Variants in KHDRBS2 observed in about 807,000 individuals in gnomAD.
KHDRBS2 encodes the protein KH RNA binding domain containing, signal transduction associated 2, also known as KH domain-containing, RNA-binding, signal transduction-associated protein 2.
A neutral mutation model predicts 44.3 loss-of-function variants in KHDRBS2; 26 were observed. That is an observed-to-expected ratio of 0.59 (90% CI 0.43 to 0.81). The LOEUF (loss-of-function observed/expected upper bound fraction) is 0.81. Ranked by LOEUF, KHDRBS2 falls within the 40% of genes least tolerant of loss-of-function variation. The pLI is 0.00. For missense variants in KHDRBS2, 476 were observed against 433.1 expected (o/e 1.10, Z -0.88); for synonymous variants, 194 against 151.1 (o/e 1.28, Z -2.08).
intron 2 of KHDRBS2, among the ~76,000 whole-genome samples, chr6:62,103,798 A>G (rs1245207166): frequency 1.3e-5 from 2 of 152,214 alleles, no homozygotes; most frequent in East Asian, 3.9e-4. Context: ...CTCATCAGAA[A>G]CAATGAAACA....
intron 1 of KHDRBS2, among the ~76,000 whole-genome samples, chr6:62,210,660 A>G (rs1828893449): frequency 6.6e-6 from 1 of 152,160 alleles, no homozygotes; most frequent in African/African-American, 2.4e-5. Context: ...CCTTTTCTAT[A>G]AATATCTTAT....
the KHDRBS2 span, among the ~76,000 whole-genome samples, chr6:61,603,478 C>T: frequency 3.9e-5 from 6 of 152,198 alleles, no homozygotes; most frequent in Non-Finnish European, 5.9e-5. Context: ...GCTTCACAGA[C>T]AGACCCCATT....
intron 4 of KHDRBS2, among the ~76,000 whole-genome samples, chr6:61,966,476 G>T: frequency 6.6e-6 from 1 of 151,910 alleles, no homozygotes; most frequent in East Asian, 1.9e-4. Flanking sequence ...GACCTCTGTT[G>T]TCCAGGGGAC....
intron 3 of KHDRBS2, among the ~76,000 whole-genome samples, chr6:61,992,272 C>T (rs939983687): frequency 6.6e-6 from 1 of 152,158 alleles, no homozygotes; most frequent in Non-Finnish European, 1.5e-5. Context: ...GTTTAGCTTA[C>T]TTGTTCCATC....
chr6:62,108,122 C>T (rs575308576), intron 2 of KHDRBS2, among the ~76,000 whole-genome samples: 80 of 152,180 alleles, frequency 5.3e-4, no homozygotes, highest in African/African-American at 1.9e-3. Context: ...AGAGCTTCTG[C>T]ACAGCAAAAG....
chr6:61,994,285 T>G (rs989970696), intron 3 of KHDRBS2, among the ~76,000 whole-genome samples: 3 of 152,190 alleles, frequency 2.0e-5, no homozygotes, highest in African/African-American at 7.2e-5. Context: ...TTGACCAGAA[T>G]AGGCATTGGG....
chr6:62,075,768 A>C (rs1267432641), intron 2 of KHDRBS2, among the ~76,000 whole-genome samples: 1 of 151,706 alleles, frequency 6.6e-6, no homozygotes, highest in Admixed American at 6.6e-5. Context: ...GAAAATCTTA[A>C]TTAAGGTAAC....
At chr6:61,856,463 T>C (rs1387834614) in intron 6 of KHDRBS2, among the ~76,000 whole-genome samples, 1 of 152,120 alleles carries the variant, frequency 6.6e-6, no homozygotes, top group Admixed American at 6.6e-5. Context: ...TCATAAACTG[T>C]TTAAATGTCT....
intron 1 of KHDRBS2, among the ~76,000 whole-genome samples, chr6:62,219,477 T>C (rs1159445857): frequency 6.6e-6 from 1 of 151,674 alleles, no homozygotes; most frequent in African/African-American, 2.4e-5. Flanking sequence ...CAAATTCTCA[T>C]GTGTGATTAT....
intron 6 of KHDRBS2, among the ~76,000 whole-genome samples, chr6:61,796,194 CATTATT>C (rs1305834719): frequency 1.3e-5 from 2 of 151,996 alleles, no homozygotes; most frequent in Admixed American, 1.3e-4. Flanking sequence ...GATTTGGCTT[CATTATT>C]ATTTTTATGT....
intron 3 of KHDRBS2, among the ~76,000 whole-genome samples, chr6:62,042,187 C>T (rs1265842964): frequency 1.3e-5 from 2 of 152,068 alleles, no homozygotes. Flanking sequence ...GTTACTCCTA[C>T]TCTAAAATTC....
At chr6:61,845,423 C>T (rs1337801474) in intron 6 of KHDRBS2, among the ~76,000 whole-genome samples, 2 of 151,538 alleles carry the variant, frequency 1.3e-5, no homozygotes, top group South Asian at 2.1e-4. Flanking sequence ...GATTCTCCTG[C>T]CTCAGCCTCC....
intron 1 of KHDRBS2, among the ~76,000 whole-genome samples, chr6:62,237,318 C>A (rs1281147725): frequency 6.6e-6 from 1 of 152,128 alleles, no homozygotes; most frequent in East Asian, 1.9e-4. Context: ...TATAAGTATG[C>A]TGTAAGTGGT....
intron 1 of KHDRBS2, among the ~76,000 whole-genome samples, chr6:62,179,240 A>G (rs1178768429): frequency 6.6e-6 from 1 of 151,708 alleles, no homozygotes; most frequent in East Asian, 1.9e-4. Context: ...GTCATTTATA[A>G]TCATCTTATC....
intron 2 of KHDRBS2, among the ~76,000 whole-genome samples, chr6:62,100,120 C>A (rs1175329561): frequency 6.6e-6 from 1 of 152,086 alleles, no homozygotes; most frequent in Non-Finnish European, 1.5e-5. Flanking sequence ...AGAGTTGATT[C>A]TAACCATCAT....
chr6:61,868,175 G>A (rs1798060463), intron 6 of KHDRBS2, among the ~76,000 whole-genome samples: 1 of 152,080 alleles, frequency 6.6e-6, no homozygotes, highest in Non-Finnish European at 1.5e-5. Flanking sequence ...ACCCAGGGAG[G>A]AAGAATGGAA....
intron 6 of KHDRBS2, among the ~76,000 whole-genome samples, chr6:61,848,538 TATGTATATATATAC>T (rs1794899299): frequency 3.6e-5 from 2 of 55,454 alleles, no homozygotes; most frequent in African/African-American, 1.1e-4. Context: ...TATACATATA[TATGTATATATATAC>T]ATATATATAT....
At chr6:62,051,169 T>C (rs1198224763) in intron 2 of KHDRBS2, among the ~76,000 whole-genome samples, 1 of 152,082 alleles carries the variant, frequency 6.6e-6, no homozygotes, top group East Asian at 1.9e-4. Flanking sequence ...AGAAATGCTC[T>C]ATATTTGTTG....
At chr6:61,743,637 T>G (rs1349098910) in intron 6 of KHDRBS2, among the ~76,000 whole-genome samples, 1 of 152,070 alleles carries the variant, frequency 6.6e-6, no homozygotes, top group Non-Finnish European at 1.5e-5. Flanking sequence ...TTTTTAATTT[T>G]ATTATTATTA....
Sources: gnomAD v4.1 joint callset for allele counts (sites outside exome capture counted in the v4.1 genomes callset) on GRCh38, gnomAD v4.1.1 for gene constraint, MANE v1.5 for transcripts, NCBI Gene and HGNC (gene_info 2026-07-23, HGNC 2026-07-21) for gene names.